The following CNOT4 variants were observed in gnomAD, a reference collection of about 807,000 sequenced individuals.
CNOT4 encodes CCR4-associated factor 4.
A neutral mutation model predicts 73.8 loss-of-function variants in CNOT4; 8 were observed. The observed-to-expected ratio is 0.11, with a 90% CI of 0.06 to 0.20. The LOEUF (loss-of-function observed/expected upper bound fraction) is 0.20, where lower values mean the gene tolerates loss of function less well. CNOT4 is among the 10% of genes least tolerant of loss of function. CNOT4 has a pLI of 1.00. For missense variants in CNOT4, 564 were observed against 883.4 expected (o/e 0.64, Z 4.58); for synonymous variants, 293 against 321.1 (o/e 0.91, Z 0.94).
intron 1 of CNOT4, among the ~76,000 whole-genome samples, chr7:135,485,518 T>C (rs1802662046): frequency 6.6e-6 from 1 of 152,278 alleles, no homozygotes; most frequent in South Asian, 2.1e-4. Flanking sequence ...GCTACAGCAA[T>C]TAAAACTGTG....
intron 1 of CNOT4, among the ~76,000 whole-genome samples, chr7:135,503,843 TTA>T (rs1015412378): frequency 6.6e-6 from 1 of 152,154 alleles, no homozygotes; most frequent in African/African-American, 2.4e-5. Context: ...ACTGTTTATA[TTA>T]TACAACTTCA....
At chr7:135,481,982 A>G (rs139748572) in intron 1 of CNOT4, among the ~76,000 whole-genome samples, 1 of 152,318 alleles carries the variant, frequency 6.6e-6, no homozygotes, top group African/African-American at 2.4e-5. Context: ...AGTACAAAAT[A>G]TACAGTCAAA....
rs529498556 is a variant in CNOT4 at position 135,392,455 on chromosome 7, C to A, written c.1627+1463G>T. ...TTATAATCAATTATGAGATACACTA[C>A]TAGTAATTAAAATGCCACATTTCTC... On this transcript the variant is annotated intron_variant, in intron 10 of 11. Coordinates refer to ENST00000541284, the MANE Select transcript of CNOT4 (RefSeq NM_001190850.2). 2.6e-5 allele frequency among the ~76,000 whole-genome samples: 4 copies of A among 152,076 alleles called. No individual in the cohort carries two copies. The East Asian group carries it at 7.7e-4, about 29-fold the overall frequency.
intron 1 of CNOT4, among the ~76,000 whole-genome samples, chr7:135,452,286 A>G (rs1445143287): frequency 3.3e-5 from 5 of 152,032 alleles, no homozygotes; most frequent in African/African-American, 1.2e-4. Context: ...CATGTAAGAA[A>G]ATAGGGACAG....
intron 7 of CNOT4, among the ~76,000 whole-genome samples, chr7:135,400,408 TGAGA>T (rs780274689): frequency 6.6e-6 from 1 of 152,020 alleles, no homozygotes; most frequent in Non-Finnish European, 1.5e-5. Flanking sequence ...GGCTTCAAGC[TGAGA>T]GAAAGAGGTG....
chr7:135,383,383 G>GT lies in CNOT4; in HGVS notation c.1627+10534_1627+10535insA, dbSNP rs1795949410. Among the ~76,000 whole-genome samples the GT allele has an allele frequency of 0.016, 4 of 250 alleles. 1 individual carries two copies. In the South Asian group the frequency reaches 0.4, roughly 25 times the overall value. 0.2% of individuals were successfully genotyped at this position (250 alleles called of 152,430 possible). A position where few individuals can be genotyped will look rare whatever the true frequency, so the allele number is the denominator to read the frequency against. ...CTACCAATCCTTCACACTCACTGGG[G>GT]CTGCTTACTTATAGCTGTCTCATCT... On this transcript the variant is annotated intron_variant, in intron 10 of 11. Transcript: ENST00000541284.
Position 135,395,804 on chromosome 7 carries a change from T to A in CNOT4, c.959A>T (p.His320Leu), listed in dbSNP as rs1172409020. The A allele has an allele frequency of 6.2e-7, 1 of 1,613,628 alleles. No homozygotes were observed. The highest frequency in any genetic ancestry group is 2.2e-5 in the East Asian group (1 of 44,870). Reference protein sequence around the residue: ...NPVIPISSSNHSARSPFEGAV... With the variant: ...NPVIPISSSNLSARSPFEGAV... ...CCCTTCAAAAGGGGACCGTGCACTG[T>A]GATTGGATGAACTGATGGGGATGAC... Residue 320 changes from histidine to leucine, a missense_variant, in exon 9 of 12, where the codon CAC becomes CTC. Coordinates refer to ENST00000541284, the MANE Select transcript of CNOT4 (RefSeq NM_001190850.2).
chr7:135,400,048 A>C (rs960308983), intron 7 of CNOT4, among the ~76,000 whole-genome samples: 4 of 152,242 alleles, frequency 2.6e-5, no homozygotes, highest in East Asian at 1.9e-4. Flanking sequence ...GCAATTAGGG[A>C]AAGTTTCCTA....
intron 10 of CNOT4, among the ~76,000 whole-genome samples, chr7:135,369,273 G>A (rs1795068351): frequency 6.6e-6 from 1 of 152,174 alleles, no homozygotes; most frequent in Non-Finnish European, 1.5e-5. Flanking sequence ...CAGTAGATTT[G>A]TTTCCACGAA....
intron 2 of CNOT4, among the ~76,000 whole-genome samples, chr7:135,424,036 ACAAAACACACAC>A (rs1467309670): frequency 1.4e-4 from 19 of 135,258 alleles, no homozygotes; most frequent in Middle Eastern, 3.6e-3. Context: ...AAACAAACAA[ACAAAACACACAC>A]ACACACACAC....
intron 10 of CNOT4, among the ~76,000 whole-genome samples, chr7:135,379,582 A>G (rs1563014326): frequency 2.0e-5 from 3 of 152,048 alleles, no homozygotes; most frequent in African/African-American, 4.8e-5. Flanking sequence ...GTATATATAT[A>G]TGTGTGTGTG....
chr7:135,484,745 A>G (rs1220000346), intron 1 of CNOT4, among the ~76,000 whole-genome samples: 1 of 149,740 alleles, frequency 6.7e-6, no homozygotes, highest in Non-Finnish European at 1.5e-5. Context: ...AGAGAGTGAG[A>G]CTCTGTCTCA....
intron 1 of CNOT4, among the ~76,000 whole-genome samples, chr7:135,492,429 T>C (rs1315280253): frequency 3.9e-5 from 6 of 151,996 alleles, no homozygotes; most frequent in East Asian, 1.9e-4. Flanking sequence ...TGACTGGCGA[T>C]TGAATTATAC....
chr7:135,387,959 A>C lies in CNOT4; in HGVS notation c.1627+5959T>G, dbSNP rs1189461540. ...TATTAAACAATGAAATTTCCAAAAC[A>C]ATATCCCACAGAATTACTGTTTGTT... On this transcript the variant is annotated intron_variant, in intron 10 of 11. Coordinates refer to ENST00000541284, the MANE Select transcript of CNOT4 (RefSeq NM_001190850.2). 6.1e-6 allele frequency: 6 copies of C among 976,632 alleles called. No homozygotes were observed. In the African/African-American group the frequency reaches 1.1e-4, roughly 17 times the overall value. The allele number at this position is 976,632 out of a possible 1,614,324, so 60.5% of individuals were successfully genotyped here. A position where few individuals can be genotyped will look rare whatever the true frequency, so the allele number is the denominator to read the frequency against.
chr7:135,361,811 T>A lies in CNOT4; in HGVS notation c.*1074A>T, dbSNP rs1343302236. ...CAACCCAAGTGTCACCATCAAGTTT[T>A]CTGTTTTATTTAAGATTTTAGTTTT... On this transcript the variant is annotated 3_prime_UTR_variant, in exon 12 of 12. Transcript: ENST00000541284. The A allele has an allele frequency of 6.6e-6, 1 of 152,664 alleles. No homozygotes were observed. Among genetic ancestry groups the A allele is most frequent in the Non-Finnish European group, 1.5e-5 (1 of 68,028 alleles). 9.5% of individuals were successfully genotyped at this position (152,664 alleles called of 1,614,324 possible). A position where few individuals can be genotyped will look rare whatever the true frequency, so the allele number is the denominator to read the frequency against.
intron 10 of CNOT4, among the ~76,000 whole-genome samples, chr7:135,366,415 A>G (rs1794918445): frequency 1.3e-5 from 2 of 150,426 alleles, no homozygotes; most frequent in Non-Finnish European, 3.0e-5. Flanking sequence ...TCTAAAAAAA[A>G]GTTTGTTTTA....
intron 3 of CNOT4, among the ~76,000 whole-genome samples, chr7:135,421,321 C>A (rs1016559296): frequency 6.6e-6 from 1 of 152,132 alleles, no homozygotes; most frequent in Admixed American, 6.5e-5. Context: ...TGGTACCATG[C>A]CAAGTATTAC....
At chr7:135,446,170 C>A (rs1347459582) in intron 1 of CNOT4, among the ~76,000 whole-genome samples, 1 of 152,172 alleles carries the variant, frequency 6.6e-6, no homozygotes, top group African/African-American at 2.4e-5. Flanking sequence ...CATGAGCCAC[C>A]ATGACCAGCC....
intron 10 of CNOT4, among the ~76,000 whole-genome samples, chr7:135,375,531 T>C (rs1795466662): frequency 6.6e-6 from 1 of 152,248 alleles, no homozygotes; most frequent in South Asian, 2.1e-4. Flanking sequence ...GGACTGTGTG[T>C]ATGTGTTTCA....
Sources: gnomAD v4.1 joint callset for allele counts (sites outside exome capture counted in the v4.1 genomes callset) on GRCh38, gnomAD v4.1.1 for gene constraint, MANE v1.5 for transcripts, NCBI Gene and HGNC (gene_info 2026-07-23, HGNC 2026-07-21) for gene names.